The following HMCN2 variants were observed in gnomAD, a reference collection of about 807,000 sequenced individuals.
HMCN2 encodes the protein hemicentin 2, also known as hemicentin-2.
Under a neutral mutation model 377.5 loss-of-function variants are expected in HMCN2, and 325 were observed. The observed-to-expected ratio is 0.86, with a 90% confidence interval of 0.79 to 0.94. HMCN2 has a LOEUF of 0.94. Ranked by LOEUF, HMCN2 falls within the 40% of genes least tolerant of loss-of-function variation. The probability of loss-of-function intolerance (pLI) is 0.00; values close to 1 mark genes in which losing one functional copy is unlikely to be tolerated. For missense variants in HMCN2, 4,543 were observed against 4,725.3 expected (o/e 0.96, Z 1.13); for synonymous variants, 2,007 against 2,046.8 (o/e 0.98, Z 0.53).
intron 29 of HMCN2, among the ~76,000 whole-genome samples, chr9:130,349,890 T>C (rs1023082794): frequency 4.8e-5 from 4 of 83,770 alleles, no homozygotes; most frequent in African/African-American, 1.9e-4. Flanking sequence ...AGCCTTTCCT[T>C]TTTTTTTTTT....
chr9:130,404,920 C>T lies in HMCN2; in HGVS notation c.12200C>T (p.Ser4067Phe). The T allele has an allele frequency of 1.6e-6, 2 of 1,288,006 alleles. No individual in the cohort carries two copies. The highest frequency in any genetic ancestry group is 2.5e-5 in the South Asian group (2 of 80,468). 79.8% of individuals were successfully genotyped at this position (1,288,006 alleles called of 1,614,324 possible). A position where few individuals can be genotyped will look rare whatever the true frequency, so the allele number is the denominator to read the frequency against. The change falls in exon 81 of 98, where the codon TCC becomes TTC. Residue 4067 changes from serine to phenylalanine, a missense_variant. This residue lies in a region of HMCN2 where 1,073 missense variants were observed against 1,319.5 expected (regional missense o/e 0.81). Transcript: ENST00000683500. Reference protein sequence around the residue: ...GLPDLSTTEGSHAFLPCKARG... With the variant: ...GLPDLSTTEGFHAFLPCKARG... ...CCAGACCTGTCCACCACCGAAGGCT[C>T]CCACGCCTTCTTGCCTTGCAAGGCG...
Position 130,433,735 on chromosome 9 carries a change from G to A in HMCN2, c.*42G>A. 7.3e-7 allele frequency: 1 copy of A among 1,372,544 alleles called. No homozygotes were observed. The highest frequency in any genetic ancestry group is 9.5e-7 in the Non-Finnish European group (1 of 1,049,478). 85.0% of individuals were successfully genotyped at this position (1,372,544 alleles called of 1,614,324 possible). A position where few individuals can be genotyped will look rare whatever the true frequency, so the allele number is the denominator to read the frequency against. ...GCGGCCGCCCTGGCGTGACCCCCGA[G>A]GAAGGGGTCGAGGAGAAGCTTGGTC... On this transcript the variant is annotated 3_prime_UTR_variant, in exon 98 of 98. Transcript: ENST00000683500.
At chr9:130,337,508 G>A (rs1463530650) in intron 22 of HMCN2, among the ~76,000 whole-genome samples, 1 of 152,134 alleles carries the variant, frequency 6.6e-6, no homozygotes, top group African/African-American at 2.4e-5. Context: ...GCCCTGGGCT[G>A]AGCCTGTGAT....
rs976723648 is a variant in HMCN2 at position 130,382,971 on chromosome 9, C to T, written c.8733+105C>T. On this transcript the variant is annotated intron_variant, in intron 56 of 97. Transcript: ENST00000683500. Reference sequence around the variant, plus strand: ...CATTATCTGCAAATGAGGCTCTTTGCTGGGAACCATGCTGGAGCCCAGCCA... The same window carrying T: ...CATTATCTGCAAATGAGGCTCTTTGTTGGGAACCATGCTGGAGCCCAGCCA... The T allele has an allele frequency of 5.9e-6, 4 of 682,956 alleles. No individual in the cohort carries two copies. In the African/African-American group the frequency reaches 5.9e-5, roughly 10 times the overall value. The allele number at this position is 682,956 out of a possible 1,614,324, so 42.3% of individuals were successfully genotyped here.
intron 36 of HMCN2, 94 bp downstream of exon 36, chr9:130,358,580 G>A (rs1336112279): frequency 2.0e-5 from 24 of 1,199,844 alleles, no homozygotes; most frequent in Non-Finnish European, 1.3e-5. Context: ...GGGAGGGGGA[G>A]GAGGTTTTTC....
At chr9:130,345,368 T>A (rs1839329654) in intron 25 of HMCN2, among the ~76,000 whole-genome samples, 1 of 148,040 alleles carries the variant, frequency 6.8e-6, no homozygotes, top group African/African-American at 2.5e-5. Flanking sequence ...GTATGTGGTA[T>A]GTGTGGTATG....
At position 130,433,363 on chromosome 9, in the gene HMCN2, C is replaced by G. The variant is rs1844879539; in HGVS notation, c.14910C>G (p.Arg4970=). 4.1e-6 allele frequency: 6 copies of G among 1,464,220 alleles called. No homozygotes were observed. The East Asian group carries it at 1.8e-4, about 43-fold the overall frequency. The allele number at this position is 1,464,220 out of a possible 1,614,324, so 90.7% of individuals were successfully genotyped here. Residue 4970 remains arginine, a synonymous_variant, in exon 98 of 98, where the codon CGC becomes CGG. Coordinates refer to ENST00000683500, the MANE Select transcript of HMCN2 (RefSeq NM_001291815.2). ...QGPSPGTCFR[R]CSQDCGTGGP... ...CCGCCCGCAGGACGTGCTTCCGGCG[C>G]TGCTCGCAGGACTGCGGCACGGGCG...
intron 4 of HMCN2, among the ~76,000 whole-genome samples, chr9:130,293,301 G>A (rs200325659): frequency 8.7e-5 from 1 of 11,496 alleles, no homozygotes; most frequent in African/African-American, 4.9e-4. Context: ...TTTTTTTTTT[G>A]CGGTTCTTGT....
intron 22 of HMCN2, among the ~76,000 whole-genome samples, chr9:130,331,828 G>A (rs1276803713): frequency 3.9e-5 from 6 of 152,180 alleles, no homozygotes; most frequent in African/African-American, 9.7e-5. Flanking sequence ...GGAGGCAGCC[G>A]GCCAGCATTC....
rs1844836251 is a variant in HMCN2 at position 130,432,709 on chromosome 9, A to T, written c.14894+154A>T. On this transcript the variant is annotated intron_variant, in intron 97 of 97. Coordinates refer to ENST00000683500, the MANE Select transcript of HMCN2 (RefSeq NM_001291815.2). ...GGGGGCAGGGAGAGGCCAGAGTGGG[A>T]GAGAACGGGGACACAGGAGCACACA... 3.9e-6 allele frequency: 3 copies of T among 766,626 alleles called. No homozygotes were observed. The East Asian group carries it at 8.1e-5, about 21-fold the overall frequency. The allele number at this position is 766,626 out of a possible 1,614,324, so 47.5% of individuals were successfully genotyped here. A position where few individuals can be genotyped will look rare whatever the true frequency, so the allele number is the denominator to read the frequency against.
chr9:130,421,416 C>T (rs1588436013), intron 86 of HMCN2, among the ~76,000 whole-genome samples: 1 of 152,134 alleles, frequency 6.6e-6, no homozygotes, highest in Non-Finnish European at 1.5e-5. Context: ...AACCTGTTTT[C>T]CCTCCTGAAA....
intron 22 of HMCN2, among the ~76,000 whole-genome samples, chr9:130,336,651 C>T (rs1462681600): frequency 3.3e-5 from 5 of 152,152 alleles, no homozygotes; most frequent in Non-Finnish European, 7.3e-5. Context: ...CCTCAGAGAA[C>T]TTGTCCCAAG....
At chr9:130,355,396 G>A (rs1839972626) in intron 32 of HMCN2, among the ~76,000 whole-genome samples, 1 of 152,206 alleles carries the variant, frequency 6.6e-6, no homozygotes, top group Non-Finnish European at 1.5e-5. Context: ...GGCGGGTGGG[G>A]CCTTCGCCTG....
chr9:130,375,592 G>A lies in HMCN2; in HGVS notation c.7660G>A (p.Asp2554Asn). ...TCCCACCATCCTGGGAGGGGCCGAG[G>A]ACAGTGCAGATGAGGAGGTGACCGT... Reference protein sequence around the residue: ...LAPTILGGAEDSADEEVTVTV... With the variant: ...LAPTILGGAENSADEEVTVTV... Residue 2554 changes from aspartate to asparagine, a missense_variant, in exon 50 of 98, where the codon GAC becomes AAC. Asp to Asn is a conservative substitution (Grantham distance 23, BLOSUM62 1). Transcript: ENST00000683500. The A allele has an allele frequency of 1.0e-6, 1 of 985,882 alleles. No homozygotes were observed. 61.1% of individuals were successfully genotyped at this position (985,882 alleles called of 1,614,324 possible).
chr9:130,356,039 G>C (rs1220389297), intron 33 of HMCN2, 49 bp from the exon 34 acceptor site: 1 of 1,164,494 alleles, frequency 8.6e-7, no homozygotes, highest in Non-Finnish European at 1.1e-6. Context: ...TGCCTGGCCT[G>C]GCCTTCCCTG....
intron 31 of HMCN2, 104 bp from the exon 32 acceptor site, chr9:130,354,659 A>G (rs1012374186): frequency 1.2e-5 from 12 of 988,734 alleles, no homozygotes; most frequent in African/African-American, 1.7e-5. Flanking sequence ...AGTGTTTCAC[A>G]TGGAGTGGGG....
At chr9:130,290,534 G>T (rs1835695733) in intron 4 of HMCN2, among the ~76,000 whole-genome samples, 1 of 152,232 alleles carries the variant, frequency 6.6e-6, no homozygotes, top group African/African-American at 2.4e-5. Context: ...CCCGGGGGAA[G>T]GGGACGGTGG....
intron 15 of HMCN2, among the ~76,000 whole-genome samples, chr9:130,315,744 T>C (rs1387532294): frequency 6.6e-6 from 1 of 152,140 alleles, no homozygotes; most frequent in Non-Finnish European, 1.5e-5. Flanking sequence ...CTGGCCTGGC[T>C]GGGTTCTGCC....
chr9:130,403,699 G>C, intron 79 of HMCN2, 42 bp from the exon 80 acceptor site: 2 of 1,284,392 alleles, frequency 1.6e-6, no homozygotes, highest in Non-Finnish European at 2.0e-6. Flanking sequence ...GGGGTCCCCA[G>C]TCCCAGTTCC....
Sources: gnomAD v4.1 joint callset for allele counts (sites outside exome capture counted in the v4.1 genomes callset) on GRCh38, gnomAD v4.1.1 for gene constraint, gnomAD v4.1.1 regional missense constraint, MANE v1.5 for transcripts, NCBI Gene and HGNC (gene_info 2026-07-23, HGNC 2026-07-21) for gene names.